The following TBC1D8 variants were observed in gnomAD, a reference collection of about 807,000 sequenced individuals.
TBC1D8 encodes BUB2-like protein 1.
A neutral mutation model predicts 118.8 loss-of-function variants in TBC1D8; 65 were observed. The observed-to-expected ratio is 0.55, with a 90% CI of 0.45 to 0.67. The LOEUF is 0.67. TBC1D8 is among the 30% of genes least tolerant of loss of function. The probability of loss-of-function intolerance (pLI) is 0.00; values close to 1 mark genes in which losing one functional copy is unlikely to be tolerated. For missense variants in TBC1D8, 1,376 were observed against 1,471.2 expected, an observed-to-expected ratio of 0.94 and a Z score of 1.06; for synonymous variants, 566 against 595.8, an observed-to-expected ratio of 0.95 and a Z score of 0.73.
intron 1 of TBC1D8, among the ~76,000 whole-genome samples, chr2:101,100,659 C>A (rs942617658): frequency 3.3e-5 from 5 of 152,100 alleles, no homozygotes; most frequent in African/African-American, 1.2e-4. Context: ...CTACAGTAAC[C>A]AAAACAGCAT....
At chr2:101,018,796 G>A (rs949167640) in intron 17 of TBC1D8, among the ~76,000 whole-genome samples, 4 of 152,146 alleles carry the variant, frequency 2.6e-5, no homozygotes, top group Non-Finnish European at 5.9e-5. Flanking sequence ...AGTTTGTTAT[G>A]TTTCTTTCCA....
intron 1 of TBC1D8, among the ~76,000 whole-genome samples, chr2:101,150,807 C>A (rs144610998): frequency 0.019 from 2,899 of 152,272 alleles, 79 homozygotes; most frequent in Non-Finnish European, 0.022. Flanking sequence ...CGGCCCCGAG[C>A]CCTCCGGCCC....
chr2:101,151,151 C>A lies in TBC1D8; in HGVS notation c.103G>T (p.Gly35Cys). ...YFILQRRRGH[G>C]EGGGRLTGRL... ...CCGGTGAGGCGGCCGCCCCCCTCGC[C>A]GTGCCCGCGGCGCCGCTGCAGGATG... The change falls in exon 1 of 20, where the codon GGC becomes TGC. Residue 35 changes from glycine (G) to cysteine (C), a missense_variant. By Grantham distance (159) the Gly-to-Cys change is radical (BLOSUM62 -3). Coordinates refer to ENST00000409318, the MANE Select transcript of TBC1D8 (RefSeq NM_001330348.2). The A allele has an allele frequency of 8.3e-7, 1 of 1,203,860 alleles. No homozygotes were observed. Among genetic ancestry groups the A allele is most frequent in the South Asian group, 2.2e-5 (1 of 46,074 alleles). 74.6% of individuals were successfully genotyped at this position (1,203,860 alleles called of 1,614,324 possible). A position where few individuals can be genotyped will look rare whatever the true frequency, so the allele number is the denominator to read the frequency against.
intron 1 of TBC1D8, among the ~76,000 whole-genome samples, chr2:101,138,672 G>C (rs932710588): frequency 3.3e-5 from 5 of 152,196 alleles, no homozygotes; most frequent in South Asian, 2.1e-4. Flanking sequence ...GCCAGATGAA[G>C]AGATACACAG....
At chr2:101,114,908 T>A (rs1677750869) in intron 1 of TBC1D8, among the ~76,000 whole-genome samples, 1 of 152,082 alleles carries the variant, frequency 6.6e-6, no homozygotes, top group Admixed American at 6.5e-5. Flanking sequence ...CCCACGGAAA[T>A]AAGGAAGTGC....
chr2:101,096,810 A>G (rs1026178113), intron 1 of TBC1D8, among the ~76,000 whole-genome samples: 2 of 151,648 alleles, frequency 1.3e-5, no homozygotes, highest in African/African-American at 4.8e-5. Context: ...AGAGAGAGAG[A>G]GAGAGAGAGA....
intron 15 of TBC1D8, chr2:101,023,482 C>A: frequency 3.6e-6 from 1 of 279,184 alleles, no homozygotes; most frequent in Non-Finnish European, 7.5e-6. Flanking sequence ...AAGGACTAGC[C>A]AGATCTGTAG....
chr2:101,013,296 A>C (rs1168025846), intron 17 of TBC1D8, among the ~76,000 whole-genome samples: 1 of 152,230 alleles, frequency 6.6e-6, no homozygotes, highest in Non-Finnish European at 1.5e-5. Context: ...GAAGGATAGG[A>C]TATTATGCAT....
chr2:101,120,329 G>A (rs1241314731), intron 1 of TBC1D8, among the ~76,000 whole-genome samples: 1 of 152,134 alleles, frequency 6.6e-6, no homozygotes, highest in East Asian at 1.9e-4. Context: ...GCTGAGCTGT[G>A]GGTTGCTCCA....
intron 17 of TBC1D8, among the ~76,000 whole-genome samples, chr2:101,016,740 A>G (rs573540271): frequency 6.6e-6 from 1 of 152,348 alleles, no homozygotes; most frequent in Admixed American, 6.5e-5. Context: ...AATACTATGC[A>G]GCCATAAAAA....
intron 1 of TBC1D8, among the ~76,000 whole-genome samples, chr2:101,110,265 T>C (rs932850956): frequency 1.3e-5 from 2 of 152,218 alleles, no homozygotes; most frequent in African/African-American, 2.4e-5. Context: ...AGCCTTCCCA[T>C]GGCTTAATGG....
intron 1 of TBC1D8, among the ~76,000 whole-genome samples, chr2:101,111,427 G>A (rs991059245): frequency 6.6e-6 from 1 of 152,208 alleles, no homozygotes; most frequent in East Asian, 1.9e-4. Context: ...CTGGTGGAAC[G>A]AGCCTGCCGA....
chr2:101,036,310 G>T, intron 8 of TBC1D8, 142 bp from the exon 9 acceptor site: 1 of 915,386 alleles, frequency 1.1e-6, no homozygotes. Context: ...CTGTATTCAA[G>T]CCGCAAATAT....
At chr2:101,106,323 C>A (rs1677213988) in intron 1 of TBC1D8, among the ~76,000 whole-genome samples, 1 of 152,176 alleles carries the variant, frequency 6.6e-6, no homozygotes, top group African/African-American at 2.4e-5. Context: ...ACCCACAGAA[C>A]TTTACAGGAC....
At chr2:101,077,507 A>G (rs1166810812) in intron 2 of TBC1D8, among the ~76,000 whole-genome samples, 2 of 152,158 alleles carry the variant, frequency 1.3e-5, no homozygotes, top group African/African-American at 2.4e-5. Flanking sequence ...TCGGCCTCCC[A>G]AAGTGCTGGG....
chr2:101,063,712 A>C (rs1315217284), intron 2 of TBC1D8, among the ~76,000 whole-genome samples: 1 of 152,246 alleles, frequency 6.6e-6, no homozygotes, highest in Admixed American at 6.5e-5. Flanking sequence ...ACTACACTAC[A>C]GCAGTTTTTC....
At chr2:101,061,615 C>T (rs1420038243) in intron 2 of TBC1D8, among the ~76,000 whole-genome samples, 1 of 152,124 alleles carries the variant, frequency 6.6e-6, no homozygotes, top group Non-Finnish European at 1.5e-5. Flanking sequence ...CATGACTTCC[C>T]CGGTCCCTAC....
chr2:101,129,049 G>A (rs866614280), intron 1 of TBC1D8, among the ~76,000 whole-genome samples: 5 of 152,192 alleles, frequency 3.3e-5, no homozygotes, highest in African/African-American at 7.2e-5. Flanking sequence ...ACAACACTGC[G>A]AATGTATGTA....
chr2:101,126,786 T>C, intron 1 of TBC1D8, among the ~76,000 whole-genome samples: 1 of 152,176 alleles, frequency 6.6e-6, no homozygotes, highest in East Asian at 1.9e-4. Flanking sequence ...GATTGGTAAA[T>C]AAGTAATAAA....
Sources: gnomAD v4.1 joint callset for allele counts (sites outside exome capture counted in the v4.1 genomes callset) on GRCh38, gnomAD v4.1.1 for gene constraint, MANE v1.5 for transcripts, NCBI Gene and HGNC (gene_info 2026-07-23, HGNC 2026-07-21) for gene names.